ZNF268: variants seen among roughly 807,000 people sequenced by gnomAD.
ZNF268 encodes the protein zinc finger protein 268, also known as zinc finger protein 3.
A neutral mutation model predicts 29.3 loss-of-function variants in ZNF268; 20 were observed. The observed-to-expected ratio is 0.68, with a 90% CI of 0.48 to 0.99. The LOEUF (loss-of-function observed/expected upper bound fraction) is 0.99. Among genes scored for constraint, ZNF268 ranks in the 50% least tolerant of loss-of-function variants. The pLI, the probability that ZNF268 is intolerant of heterozygous loss-of-function variation, is 0.00. For missense variants in ZNF268, 1,240 were observed against 1,121.6 expected (o/e 1.11, Z -1.51); for synonymous variants, 429 against 376.9 (o/e 1.14, Z -1.60).
intron 5 of ZNF268, 61 bp from the exon 6 acceptor site, chr12:133,202,083 A>G: frequency 2.2e-6 from 3 of 1,369,704 alleles, no homozygotes; most frequent in Non-Finnish European, 2.9e-6. Flanking sequence ...TTCATAGGCA[A>G]CTTTCTAGTA....
chr12:133,185,546 G>A (rs1956291494), intron 2 of ZNF268, among the ~76,000 whole-genome samples: 1 of 119,002 alleles, frequency 8.4e-6, no homozygotes, highest in Admixed American at 8.3e-5. Flanking sequence ...CTTTGTGACT[G>A]GGGGTAGGGA....
In ZNF268 at chr12:133,213,091, G is replaced by C. The variant is rs1957010573; in HGVS notation, c.*8561G>C. The C allele has an allele frequency of 1.3e-5, 2 of 152,198 alleles. No homozygotes were observed. Among genetic ancestry groups the C allele is most frequent in the African/African-American group, 2.4e-5 (1 of 41,446 alleles). The allele number at this position is 152,198 out of a possible 1,614,324, so 9.4% of individuals were successfully genotyped here. A position where few individuals can be genotyped will look rare whatever the true frequency, so the allele number is the denominator to read the frequency against. On this transcript the variant is annotated 3_prime_UTR_variant, in exon 6 of 6. Coordinates refer to ENST00000536435, the MANE Select transcript of ZNF268 (RefSeq NM_003415.3). ...GCTAGTCTCAAACTCCTGTCCTCAA[G>C]TGATCCACTTACCTTGGCCTCCCAA...
intron 5 of ZNF268, among the ~76,000 whole-genome samples, chr12:133,196,765 G>A (rs542244659): frequency 3.3e-5 from 5 of 152,246 alleles, no homozygotes; most frequent in South Asian, 4.1e-4. Flanking sequence ...TGTGAAAACC[G>A]AAAGTGCTCA....
chr12:133,182,961 T>A (rs550378270), intron 2 of ZNF268, among the ~76,000 whole-genome samples: 50 of 152,226 alleles, frequency 3.3e-4, no homozygotes, highest in African/African-American at 1.1e-3. Context: ...GGAACTGGGG[T>A]GCATGGCAGG....
At position 133,208,613 on chromosome 12, in the gene ZNF268, C is replaced by A. The variant is rs955843931; in HGVS notation, c.*4083C>A. The A allele has an allele frequency of 1.3e-5, 2 of 152,128 alleles. No individual in the cohort carries two copies. Among genetic ancestry groups the A allele is most frequent in the Non-Finnish European group, 2.9e-5 (2 of 68,052 alleles). 9.4% of individuals were successfully genotyped at this position (152,128 alleles called of 1,614,324 possible). On this transcript the variant is annotated 3_prime_UTR_variant, in exon 6 of 6. Coordinates refer to ENST00000536435, the MANE Select transcript of ZNF268 (RefSeq NM_003415.3). ...AAGGCTACAGTGAGCTATGATCATG[C>A]CCCTGCACTCCATCCTGGGCAACAA...
intron 2 of ZNF268, among the ~76,000 whole-genome samples, chr12:133,187,270 AT>A (rs1956346971): frequency 6.7e-6 from 1 of 149,716 alleles, no homozygotes; most frequent in Non-Finnish European, 1.5e-5. Flanking sequence ...TCATTTCTGA[AT>A]TTTTTTCCTA....
Position 133,212,141 on chromosome 12 carries a change from T to A in ZNF268, c.*7611T>A, listed in dbSNP as rs528172051. Reference sequence around the variant, plus strand: ...AAAAGGCTGTATGATCCTATTTCTATGATGTTATGGAAAAGCAGAAACTAC... The same window carrying A: ...AAAAGGCTGTATGATCCTATTTCTAAGATGTTATGGAAAAGCAGAAACTAC... On this transcript the variant is annotated 3_prime_UTR_variant, in exon 6 of 6. Coordinates refer to ENST00000536435, the MANE Select transcript of ZNF268 (RefSeq NM_003415.3). The A allele has an allele frequency of 6.6e-6, 1 of 152,230 alleles. No individual in the cohort carries two copies. The highest frequency in any genetic ancestry group is 6.5e-5 in the Admixed American group (1 of 15,286). The allele number at this position is 152,230 out of a possible 1,614,324, so 9.4% of individuals were successfully genotyped here. A position where few individuals can be genotyped will look rare whatever the true frequency, so the allele number is the denominator to read the frequency against.
intron 5 of ZNF268, 22 bp downstream of exon 5, chr12:133,192,025 T>G: frequency 6.3e-7 from 1 of 1,576,764 alleles, no homozygotes; most frequent in Non-Finnish European, 8.7e-7. Context: ...AGACAAATCT[T>G]TTCTTCTTTA....
Position 133,206,550 on chromosome 12 carries a change from T to C in ZNF268, c.*2020T>C, listed in dbSNP as rs1057199369. 1.3e-5 allele frequency: 2 copies of C among 152,196 alleles called. No homozygotes were observed. Among genetic ancestry groups the C allele is most frequent in the African/African-American group, 4.8e-5 (2 of 41,444 alleles). 9.4% of individuals were successfully genotyped at this position (152,196 alleles called of 1,614,324 possible). A position where few individuals can be genotyped will look rare whatever the true frequency, so the allele number is the denominator to read the frequency against. On this transcript the variant is annotated 3_prime_UTR_variant, in exon 6 of 6. Transcript: ENST00000536435. The stretch of plus-strand genomic sequence containing the variant: ...GGTTTGTTATGTGAGTGGGCATTAA[T>C]CTGGGAAGAGTGGGACCCTGCCAGT...
At chr12:133,195,647 C>G (rs1330836347) in intron 5 of ZNF268, among the ~76,000 whole-genome samples, 1 of 152,114 alleles carries the variant, frequency 6.6e-6, no homozygotes, top group Non-Finnish European at 1.5e-5. Flanking sequence ...GTTGAAGATG[C>G]AGTGAGCAAT....
chr12:133,195,066 G>A lies in ZNF268; in HGVS notation c.457+3063G>A, dbSNP rs1188747574. 1.3e-5 allele frequency among the ~76,000 whole-genome samples: 2 copies of A among 151,974 alleles called. 1 individual carries two copies. Among genetic ancestry groups the A allele is most frequent in the Non-Finnish European group, 2.9e-5 (2 of 68,000 alleles). On this transcript the variant is annotated intron_variant, in intron 5 of 5. Transcript: ENST00000536435. Reference sequence around the variant, plus strand: ...ACAAGTCTAGGGTCCCCCAGTTCCAGGAGGGCAGCAGCAGTGAACACCACA... The same window carrying A: ...ACAAGTCTAGGGTCCCCCAGTTCCAAGAGGGCAGCAGCAGTGAACACCACA...
chr12:133,184,699 G>A (rs1242219890), intron 2 of ZNF268: 5 of 450,702 alleles, frequency 1.1e-5, no homozygotes, highest in East Asian at 7.0e-5. Flanking sequence ...TCACCACAAC[G>A]TCTGCTTCCC....
chr12:133,181,563 CGTCGTG>C lies in ZNF268; in HGVS notation c.-172_-167del, dbSNP rs1481754772. The stretch of plus-strand genomic sequence containing the variant: ...TGTTCCTCAGATAGCGTTCATCGCC[CGTCGTG>C]GTCAACGGGCCAGCCGAGTCTGGAG... On this transcript the variant is annotated 5_prime_UTR_variant, in exon 1 of 6. Transcript: ENST00000536435. 6.1e-6 allele frequency: 1 copy of C among 163,704 alleles called. No individual in the cohort carries two copies. Among genetic ancestry groups the C allele is most frequent in the Non-Finnish European group, 1.3e-5 (1 of 75,948 alleles). The allele number at this position is 163,704 out of a possible 1,614,324, so 10.1% of individuals were successfully genotyped here. A position where few individuals can be genotyped will look rare whatever the true frequency, so the allele number is the denominator to read the frequency against.
rs999926224 is a variant in ZNF268 at position 133,203,750 on chromosome 12, A to C, written c.2064A>C (p.Arg688Ser). The change falls in exon 6 of 6, where the codon AGA becomes AGC. Residue 688 changes from arginine to serine, a missense_variant. By Grantham distance (110) the Arg-to-Ser change is moderately radical. Around this residue, in one of 3 missense-constraint regions of ZNF268, gnomAD observed 1,177 missense variants for 1,039.6 expected, o/e 1.13. Coordinates refer to ENST00000536435, the MANE Select transcript of ZNF268 (RefSeq NM_003415.3). ...SLKSQLIVHQ[R>S]SHTGVKPYGC... is the part of the protein sequence containing the mutation. ...AGTCCCAGCTCATTGTACATCAGAGAAGTCACACAGGAGTAAAACCATATG... is the reference window on the plus strand; with the variant it reads ...AGTCCCAGCTCATTGTACATCAGAGCAGTCACACAGGAGTAAAACCATATG... 2 of 1,559,948 alleles carry C rather than the reference A, an allele frequency of 1.3e-6. No individual in the cohort carries two copies. The highest frequency in any genetic ancestry group is 3.8e-5 in the Admixed American group (2 of 53,046).
In ZNF268 at chr12:133,210,274, C is replaced by T. The variant is rs1286059503; in HGVS notation, c.*5744C>T. ...CTTCAGATATGGAAGCTCTGGATCT[C>T]ACTGTGATGTATCCCCCTAGGGGGT... is the stretch of plus-strand genomic sequence containing the variant. On this transcript the variant is annotated 3_prime_UTR_variant, in exon 6 of 6. Coordinates refer to ENST00000536435, the MANE Select transcript of ZNF268 (RefSeq NM_003415.3). The T allele has an allele frequency of 1.3e-5, 2 of 155,738 alleles. No individual in the cohort carries two copies. Among genetic ancestry groups the T allele is most frequent in the South Asian group, 2.0e-4 (1 of 5,124 alleles). 9.6% of individuals were successfully genotyped at this position (155,738 alleles called of 1,614,324 possible).
chr12:133,197,154 A>G (rs1956626856), intron 5 of ZNF268, among the ~76,000 whole-genome samples: 1 of 150,250 alleles, frequency 6.7e-6, no homozygotes, highest in Admixed American at 6.7e-5. Context: ...GTCATCTAGC[A>G]TTAGGTATAT....
chr12:133,193,554 G>C (rs1167893521), intron 5 of ZNF268: 4 of 647,614 alleles, frequency 6.2e-6, no homozygotes, highest in African/African-American at 1.8e-5. Context: ...CTGTGGGACA[G>C]AAAGAGGGGC....
In ZNF268 at chr12:133,204,240, C is replaced by A. The variant is rs767804934; in HGVS notation, c.2554C>A (p.Leu852Ile). Residue 852 changes from leucine to isoleucine, a missense_variant, in exon 6 of 6, where the codon CTT (leucine) becomes ATT (isoleucine). This residue lies in a region of ZNF268 where 1,177 missense variants were observed against 1,039.6 expected (regional missense o/e 1.13). Transcript: ENST00000536435. ...EKSFSGKLRLLVHQRMHTREK... is the reference protein window; with the variant it reads ...EKSFSGKLRLIVHQRMHTREK... Reference sequence around the variant, plus strand: ...ATCCTTCAGTGGGAAATTACGCCTTCTTGTACACCAGAGAATGCACACAAG... The same window carrying A: ...ATCCTTCAGTGGGAAATTACGCCTTATTGTACACCAGAGAATGCACACAAG... The A allele has an allele frequency of 6.5e-7, 1 of 1,543,702 alleles. No homozygotes were observed. Among genetic ancestry groups the A allele is most frequent in the South Asian group, 1.2e-5 (1 of 84,336 alleles).
chr12:133,193,961 A>T (rs1956537610), intron 5 of ZNF268, among the ~76,000 whole-genome samples: 1 of 152,108 alleles, frequency 6.6e-6, no homozygotes, highest in African/African-American at 2.4e-5. Flanking sequence ...ACACTGGGGA[A>T]GTCAGCTTGA....
Sources: gnomAD v4.1 joint callset for allele counts (sites outside exome capture counted in the v4.1 genomes callset) on GRCh38, gnomAD v4.1.1 for gene constraint, gnomAD v4.1.1 regional missense constraint, MANE v1.5 for transcripts, NCBI Gene and HGNC (gene_info 2026-07-23, HGNC 2026-07-21) for gene names.